TMEM272: variants seen among roughly 807,000 people sequenced by gnomAD.
The protein encoded by TMEM272 is transmembrane protein 272, also known as long intergenic non-protein coding RNA 282.
A neutral mutation model predicts 3.7 loss-of-function variants in TMEM272; 8 were observed. The observed-to-expected ratio is 2.17, with a 90% CI of 1.27 to 3.91. The LOEUF is 3.91. Ranked by LOEUF, TMEM272 falls within the 30% of genes most tolerant of loss-of-function variation. The pLI is 0.00. For synonymous variants in TMEM272, 63 were observed against 39.8 expected (o/e 1.58, Z -2.20); for missense variants, 166 against 91.5 (o/e 1.81, Z -3.32).
chr13:51,883,184 C>T, the TMEM272 span, among the ~76,000 whole-genome samples: 1 of 152,234 alleles, frequency 6.6e-6, no homozygotes, highest in Admixed American at 6.5e-5. Flanking sequence ...GCAAGCCAGC[C>T]AGGAGGGAAC....
the TMEM272 span, among the ~76,000 whole-genome samples, chr13:51,859,547 CAG>C: frequency 4.7e-5 from 7 of 150,462 alleles, no homozygotes; most frequent in East Asian, 2.0e-4. Flanking sequence ...CACACACACA[CAG>C]ACACCCCCTC....
chr13:51,885,176 C>T, the TMEM272 span, among the ~76,000 whole-genome samples: 2 of 152,150 alleles, frequency 1.3e-5, no homozygotes, highest in Non-Finnish European at 2.9e-5. Context: ...TTGAAAGAGA[C>T]CAACAGGAAA....
rs1956293016 is a variant in TMEM272 at position 51,845,054 on chromosome 13, T to C, written c.-62A>G. On this transcript the variant is annotated 5_prime_UTR_variant, in exon 1 of 5. Transcript: ENST00000629372. ...AGTGGGATCCAGAATCGGGCAGCAC[T>C]CAGCACCTCTGTGGTCCCGAAGTCC... 1 of 152,238 alleles carries C rather than the reference T, an allele frequency of 6.6e-6. No individual in the cohort carries two copies. The highest frequency in any genetic ancestry group is 2.4e-5 in the African/African-American group (1 of 41,440). 9.4% of individuals were successfully genotyped at this position (152,238 alleles called of 1,614,324 possible).
the TMEM272 span, among the ~76,000 whole-genome samples, chr13:51,870,476 G>T: frequency 1.0e-3 from 155 of 152,096 alleles, no homozygotes; most frequent in Middle Eastern, 0.017. Flanking sequence ...AGAAGAGGAG[G>T]GGATGTCCAG....
chr13:51,851,728 T>C, the TMEM272 span, among the ~76,000 whole-genome samples: 2 of 152,196 alleles, frequency 1.3e-5, no homozygotes, highest in Non-Finnish European at 2.9e-5. Flanking sequence ...TTTCACTATG[T>C]TGGCCAGGCT....
chr13:51,928,632 C>A, the TMEM272 span, among the ~76,000 whole-genome samples: 4 of 152,092 alleles, frequency 2.6e-5, no homozygotes, highest in East Asian at 3.8e-4. Context: ...TAGCTCAGGG[C>A]AGTAATGAGG....
chr13:51,918,157 T>C, the TMEM272 span, among the ~76,000 whole-genome samples: 2 of 152,250 alleles, frequency 1.3e-5, no homozygotes, highest in African/African-American at 4.8e-5. Flanking sequence ...TTGGCATTTC[T>C]TGAATGTTTC....
the TMEM272 span, among the ~76,000 whole-genome samples, chr13:51,885,666 A>T: frequency 6.6e-6 from 1 of 152,230 alleles, no homozygotes; most frequent in African/African-American, 2.4e-5. Flanking sequence ...AGTAGAATAA[A>T]ATCTCTGTAG....
At chr13:51,903,942 C>CATGTGTGTGTGTGTGTGTGTGT in the TMEM272 span, among the ~76,000 whole-genome samples, 6 of 136,552 alleles carry the variant, frequency 4.4e-5, no homozygotes, top group African/African-American at 1.3e-4. Flanking sequence ...CAGTCTTCCA[C>CATGTGTGTGTGTGTGTGTGTGT]GTGTGTGTGT....
chr13:51,835,590 A>C (rs571413476), intron 2 of TMEM272, among the ~76,000 whole-genome samples: 2 of 152,250 alleles, frequency 1.3e-5, no homozygotes, highest in Non-Finnish European at 2.9e-5. Flanking sequence ...GTAGAAAACC[A>C]GAAAGAAGTA....
rs1381508335 is a variant in TMEM272 at position 51,817,022 on chromosome 13, CA to C, written c.292del (p.Trp98GlyfsTer14). 93 of 703,014 alleles carry C rather than the reference CA, an allele frequency of 1.3e-4. No individual in the cohort carries two copies. The Admixed American group carries it at 1.8e-3, about 14-fold the overall frequency. 43.5% of individuals were successfully genotyped at this position (703,014 alleles called of 1,614,324 possible). A position where few individuals can be genotyped will look rare whatever the true frequency, so the allele number is the denominator to read the frequency against. On this transcript the variant is annotated frameshift_variant, in exon 5 of 5. Transcript: ENST00000629372. LOFTEE classifies it low-confidence loss of function (END_TRUNC). ...GTAGTATCTGTGCGCATTCTGCCTC[CA>C]GGGGTATTCGTCATCGTCATCGTCA... Reference protein sequence around the residue: ...IDDDDDDEYPWRQNAHRYYIH... With the variant: ...IDDDDDDEYPXRQNAHRYYIH...
At chr13:51,853,739 G>A in the TMEM272 span, among the ~76,000 whole-genome samples, 3 of 152,180 alleles carry the variant, frequency 2.0e-5, no homozygotes, top group African/African-American at 7.2e-5. Context: ...ATTGGGAAGT[G>A]TAAATGATAT....
At chr13:51,819,187 G>A (rs558239486) in intron 4 of TMEM272, among the ~76,000 whole-genome samples, 74 of 152,306 alleles carry the variant, frequency 4.9e-4, no homozygotes, top group Non-Finnish European at 9.6e-4. Flanking sequence ...GGAGAGGTGC[G>A]AGGGTCCTCC....
the TMEM272 span, chr13:51,930,632 GTTTT>G: frequency 6.8e-6 from 1 of 147,492 alleles, no homozygotes; most frequent in Non-Finnish European, 1.5e-5. Flanking sequence ...TACGTTCCTT[GTTTT>G]TTTTTTAAAA....
intron 1 of TMEM272, among the ~76,000 whole-genome samples, chr13:51,840,038 AT>A (rs1012915780): frequency 3.3e-5 from 5 of 152,180 alleles, no homozygotes; most frequent in African/African-American, 1.2e-4. Flanking sequence ...ATGTTACCTA[AT>A]TTAGTCTCCT....
intron 2 of TMEM272, among the ~76,000 whole-genome samples, chr13:51,829,660 T>C (rs1956155936): frequency 6.6e-6 from 1 of 152,176 alleles, no homozygotes; most frequent in Non-Finnish European, 1.5e-5. Flanking sequence ...TGAAAAATCC[T>C]TCCCTGTGCT....
At chr13:51,888,406 C>A in the TMEM272 span, among the ~76,000 whole-genome samples, 2 of 152,088 alleles carry the variant, frequency 1.3e-5, no homozygotes, top group African/African-American at 4.8e-5. Context: ...TCTGTAACCT[C>A]CCTGTCACAT....
At chr13:51,897,247 G>C in the TMEM272 span, among the ~76,000 whole-genome samples, 1 of 151,846 alleles carries the variant, frequency 6.6e-6, no homozygotes, top group Non-Finnish European at 1.5e-5. Flanking sequence ...TGGAGACAGG[G>C]TCTTGCTGTG....
At chr13:51,930,146 T>C in the TMEM272 span, among the ~76,000 whole-genome samples, 1 of 151,406 alleles carries the variant, frequency 6.6e-6, no homozygotes, top group African/African-American at 2.4e-5. Flanking sequence ...CCACTTTCTA[T>C]ATTTCTATAT....
Sources: gnomAD v4.1 joint callset for allele counts (sites outside exome capture counted in the v4.1 genomes callset) on GRCh38, gnomAD v4.1.1 for gene constraint, MANE v1.5 for transcripts, NCBI Gene and HGNC (gene_info 2026-07-23, HGNC 2026-07-21) for gene names.